The following IRAK2 variants were observed in gnomAD, a reference collection of about 807,000 sequenced individuals.
IRAK2 encodes interleukin-1 receptor-associated kinase-like 2.
IRAK2 carries 57 observed loss-of-function variants against 72.0 expected under a neutral mutation model. That is an observed-to-expected ratio of 0.79 (90% confidence interval 0.64 to 0.99). The LOEUF (loss-of-function observed/expected upper bound fraction) is 0.99. Among genes scored for constraint, IRAK2 ranks in the 50% least tolerant of loss-of-function variants. IRAK2 has a pLI of 0.00. For missense variants in IRAK2, 790 were observed against 794.4 expected (o/e 0.99, Z 0.07); for synonymous variants, 293 against 312.7 (o/e 0.94, Z 0.67).
Position 10,226,374 on chromosome 3 carries a change from T to C in IRAK2, c.1213T>C (p.Leu405=). 1 of 1,613,374 alleles carries C rather than the reference T, an allele frequency of 6.2e-7. No homozygotes were observed. The highest frequency in any genetic ancestry group is 8.5e-7 in the Non-Finnish European group (1 of 1,179,660). Residue 405 remains leucine (L), a synonymous_variant, in exon 10 of 13, where the codon TTG becomes CTG. Transcript: ENST00000256458. ...RVDIFSCGIV[L]AEVLTGIPAM... ...ACTCACGTTCTGTTCTCTCCAGGTGTTGGCCGAGGTCCTCACGGGCATCCC... is the reference window on the plus strand; with the variant it reads ...ACTCACGTTCTGTTCTCTCCAGGTGCTGGCCGAGGTCCTCACGGGCATCCC...
rs1575954951 is a variant in IRAK2 at position 10,178,009 on chromosome 3, T to C, written c.266T>C (p.Ile89Thr). Reference protein sequence around the residue: ...CRLELYRAAQIILNWKPAPEI... With the variant: ...CRLELYRAAQTILNWKPAPEI... ...CTGGAGCTCTACCGGGCTGCCCAGA[T>C]CATCCTGAACTGTGAGTAACTCAGG... Residue 89 changes from isoleucine to threonine, a missense_variant, in exon 2 of 13, where the codon ATC becomes ACC. Physicochemically the swap from Ile to Thr is moderately conservative, Grantham distance 89. Coordinates refer to ENST00000256458, the MANE Select transcript of IRAK2 (RefSeq NM_001570.4). The C allele has an allele frequency of 6.2e-7, 1 of 1,609,026 alleles. No individual in the cohort carries two copies. Among genetic ancestry groups the C allele is most frequent in the Non-Finnish European group, 8.5e-7 (1 of 1,177,718 alleles).
At chr3:10,197,890 A>G (rs1697296081) in intron 2 of IRAK2, among the ~76,000 whole-genome samples, 1 of 147,146 alleles carries the variant, frequency 6.8e-6, no homozygotes, top group Admixed American at 6.9e-5. Context: ...CAGTGACAGT[A>G]AAGAAAACAC....
chr3:10,213,163 C>T lies in IRAK2; in HGVS notation c.529-44C>T, dbSNP rs376323243. On this transcript the variant is annotated intron_variant, in intron 4 of 12. Transcript: ENST00000256458. ...AGGTCCCTTGAGGTAGCAGAGAAAA[C>T]GAGATTCCATAGTAATCTCCATCTC... The T allele has an allele frequency of 5.0e-4, 756 of 1,527,144 alleles. 6 individuals are homozygous for T. In the South Asian group the frequency reaches 5.6e-3, roughly 11 times the overall value. 94.6% of individuals were successfully genotyped at this position (1,527,144 alleles called of 1,614,324 possible). A position where few individuals can be genotyped will look rare whatever the true frequency, so the allele number is the denominator to read the frequency against.
intron 3 of IRAK2, among the ~76,000 whole-genome samples, chr3:10,202,327 A>C (rs1697371468): frequency 6.6e-6 from 1 of 152,232 alleles, no homozygotes; most frequent in Admixed American, 6.6e-5. Context: ...TACTGTAAAG[A>C]TAAACATCAC....
chr3:10,212,968 C>T lies in IRAK2; in HGVS notation c.529-239C>T, dbSNP rs923947661. Among the ~76,000 whole-genome samples the T allele has an allele frequency of 7.2e-5, 11 of 152,088 alleles. No individual in the cohort carries two copies. The East Asian group carries it at 1.9e-3, about 27-fold the overall frequency. The stretch of plus-strand genomic sequence containing the variant: ...ATTTTTTAGTAGAGACGGGGTTTCA[C>T]TGTGTTAGCCAGGATGGTCTTGATC... On this transcript the variant is annotated intron_variant, in intron 4 of 12. Coordinates refer to ENST00000256458, the MANE Select transcript of IRAK2 (RefSeq NM_001570.4).
intron 10 of IRAK2, among the ~76,000 whole-genome samples, chr3:10,229,895 G>A (rs1559452869): frequency 6.6e-6 from 1 of 152,146 alleles, no homozygotes; most frequent in Non-Finnish European, 1.5e-5. Context: ...GAGTTCAGGA[G>A]TTCAAGACCA....
chr3:10,223,352 C>T (rs919462001), intron 9 of IRAK2, among the ~76,000 whole-genome samples: 3 of 152,174 alleles, frequency 2.0e-5, no homozygotes, highest in East Asian at 3.8e-4. Flanking sequence ...CTACCACCAC[C>T]ACCATCCTTG....
Position 10,226,364 on chromosome 3 carries a change from T to C in IRAK2, c.1210-7T>C, listed in dbSNP as rs764167381. 3 of 1,612,792 alleles carry C rather than the reference T, an allele frequency of 1.9e-6. No homozygotes were observed. Among genetic ancestry groups the C allele is most frequent in the African/African-American group, 2.7e-5 (2 of 75,018 alleles). On this transcript the variant is annotated splice_polypyrimidine_tract_variant and splice_region_variant and intron_variant, in intron 9 of 12. Transcript: ENST00000256458. ...AACCATGCTAACTCACGTTCTGTTCTCTCCAGGTGTTGGCCGAGGTCCTCA... is the reference window on the plus strand; with the variant it reads ...AACCATGCTAACTCACGTTCTGTTCCCTCCAGGTGTTGGCCGAGGTCCTCA...
intron 11 of IRAK2, 58 bp from the exon 12 acceptor site, chr3:10,238,690 A>C (rs1698003829): frequency 1.3e-6 from 2 of 1,532,278 alleles, no homozygotes; most frequent in East Asian, 4.5e-5. Context: ...GCCAGATGTT[A>C]GCATTTCTAT....
Position 10,168,242 on chromosome 3 carries a change from G to A in IRAK2, c.94+3194G>A, listed in dbSNP as rs551190839. 1.6e-4 allele frequency among the ~76,000 whole-genome samples: 23 copies of A among 145,144 alleles called. No individual in the cohort carries two copies. The South Asian group carries it at 1.7e-3, about 11-fold the overall frequency. On this transcript the variant is annotated intron_variant, in intron 1 of 12. Coordinates refer to ENST00000256458, the MANE Select transcript of IRAK2 (RefSeq NM_001570.4). The stretch of plus-strand genomic sequence containing the variant: ...TTTTTTTTTTTTGAGACAGAGTCTC[G>A]CTCTGTCGCTGAGGCTGGAGTGCAG...
At chr3:10,229,968 C>T (rs1217843356) in intron 10 of IRAK2, among the ~76,000 whole-genome samples, 2 of 151,870 alleles carry the variant, frequency 1.3e-5, no homozygotes, top group East Asian at 1.9e-4. Context: ...TGTGTGGTGG[C>T]GAGTGCCTGT....
chr3:10,172,185 A>G (rs993183618), intron 1 of IRAK2, among the ~76,000 whole-genome samples: 24 of 151,284 alleles, frequency 1.6e-4, no homozygotes, highest in African/African-American at 5.6e-4. Flanking sequence ...CCTGGCTAAC[A>G]CAGTGAAACC....
At chr3:10,193,202 CA>C (rs1697203879) in intron 2 of IRAK2, among the ~76,000 whole-genome samples, 1 of 152,198 alleles carries the variant, frequency 6.6e-6, no homozygotes, top group African/African-American at 2.4e-5. Context: ...TGAACCATGA[CA>C]GGGGCACAGA....
chr3:10,190,178 A>G (rs139900781), intron 2 of IRAK2, among the ~76,000 whole-genome samples: 519 of 149,638 alleles, frequency 3.5e-3, no homozygotes, highest in African/African-American at 0.012. Context: ...TTGCATCATC[A>G]CTTGCCCCAT....
chr3:10,223,116 C>T (rs1021252391), intron 9 of IRAK2, among the ~76,000 whole-genome samples: 1 of 152,152 alleles, frequency 6.6e-6, no homozygotes, highest in Non-Finnish European at 1.5e-5. Context: ...TACTGTGTGG[C>T]GTGTTACAGA....
chr3:10,184,928 G>A (rs1297504339), intron 2 of IRAK2, among the ~76,000 whole-genome samples: 16 of 150,006 alleles, frequency 1.1e-4, no homozygotes, highest in East Asian at 2.0e-4. Context: ...TAGTAGAGAC[G>A]GGGTTTCACC....
At chr3:10,206,532 C>T (rs1163674857) in intron 3 of IRAK2, among the ~76,000 whole-genome samples, 1 of 152,208 alleles carries the variant, frequency 6.6e-6, no homozygotes, top group African/African-American at 2.4e-5. Context: ...GCTGATTTTA[C>T]TTTCAGTCTC....
intron 1 of IRAK2, among the ~76,000 whole-genome samples, chr3:10,170,703 G>A (rs1192823443): frequency 6.6e-6 from 1 of 152,218 alleles, no homozygotes; most frequent in African/African-American, 2.4e-5. Flanking sequence ...GAGGGCAGGT[G>A]CCAGAATGAA....
At chr3:10,232,836 G>A (rs954835697) in intron 10 of IRAK2, among the ~76,000 whole-genome samples, 2 of 152,076 alleles carry the variant, frequency 1.3e-5, no homozygotes, top group African/African-American at 4.8e-5. Context: ...TGCCAAGACA[G>A]GAGGATTAGT....
Sources: allele counts gnomAD v4.1 joint callset (sites outside exome capture counted in the v4.1 genomes callset), GRCh38; gene constraint gnomAD v4.1.1; transcripts MANE v1.5; gene names NCBI Gene and HGNC (gene_info 2026-07-23, HGNC 2026-07-21).